The following VPS13B variants were observed in gnomAD, a reference collection of about 807,000 sequenced individuals.
VPS13B encodes vacuolar protein sorting 13 homolog B, also known as intermembrane lipid transfer protein VPS13B.
Under a neutral mutation model 426.4 loss-of-function variants are expected in VPS13B, and 285 were observed. The observed-to-expected ratio is 0.67, with a 90% confidence interval of 0.61 to 0.74. The LOEUF (loss-of-function observed/expected upper bound fraction) is 0.74. VPS13B is among the 30% of genes least tolerant of loss of function. The pLI is 0.00. For missense variants in VPS13B, 4,537 were observed against 4,782.6 expected (o/e 0.95, Z 1.51); for synonymous variants, 1,676 against 1,676.4 (o/e 1.00, Z 0.01).
intron 39 of VPS13B, among the ~76,000 whole-genome samples, chr8:99,736,291 G>A (rs1345428940): frequency 6.6e-6 from 1 of 152,132 alleles, no homozygotes; most frequent in Non-Finnish European, 1.5e-5. Context: ...TAACAGTTTA[G>A]GCTGGGCGCG....
chr8:99,338,269 G>A (rs867936758), intron 19 of VPS13B, among the ~76,000 whole-genome samples: 1 of 151,996 alleles, frequency 6.6e-6, no homozygotes, highest in Non-Finnish European at 1.5e-5. Flanking sequence ...CATTGAATTT[G>A]TAGATAATCT....
At chr8:99,529,443 C>T (rs1403090998) in intron 30 of VPS13B, among the ~76,000 whole-genome samples, 1 of 152,118 alleles carries the variant, frequency 6.6e-6, no homozygotes, top group Non-Finnish European at 1.5e-5. Context: ...TTCATGTAAA[C>T]ACTGCTTTCT....
At chr8:99,081,161 G>A (rs1285119787) in intron 3 of VPS13B, among the ~76,000 whole-genome samples, 1 of 152,196 alleles carries the variant, frequency 6.6e-6, no homozygotes, top group Non-Finnish European at 1.5e-5. Flanking sequence ...TAAGCGTTGA[G>A]CTTGGTAACA....
At chr8:99,166,021 C>T (rs1331129828) in intron 15 of VPS13B, among the ~76,000 whole-genome samples, 2 of 151,944 alleles carry the variant, frequency 1.3e-5, no homozygotes, top group Non-Finnish European at 1.5e-5. Flanking sequence ...GCACTGTTGC[C>T]CTGGCTGGAG....
chr8:99,033,601 T>A (rs1236423870), intron 2 of VPS13B, among the ~76,000 whole-genome samples: 1 of 152,138 alleles, frequency 6.6e-6, no homozygotes, highest in African/African-American at 2.4e-5. Context: ...TTTAATTATT[T>A]GAATATGAGG....
intron 7 of VPS13B, among the ~76,000 whole-genome samples, 193 bp from the exon 8 acceptor site, chr8:99,120,984 A>T (rs1201251642): frequency 1.3e-5 from 2 of 152,224 alleles, no homozygotes; most frequent in African/African-American, 4.8e-5. Context: ...AAGGAGAAAG[A>T]TACGGTACAA....
At chr8:99,709,287 T>A (rs1485550101) in intron 36 of VPS13B, among the ~76,000 whole-genome samples, 1 of 152,154 alleles carries the variant, frequency 6.6e-6, no homozygotes, top group African/African-American at 2.4e-5. Flanking sequence ...AGAAGCTTGA[T>A]TTAGATTGCA....
At chr8:99,159,323 T>C (rs573692566) in intron 15 of VPS13B, among the ~76,000 whole-genome samples, 1 of 152,302 alleles carries the variant, frequency 6.6e-6, no homozygotes, top group South Asian at 2.1e-4. Flanking sequence ...TGTTAAATGA[T>C]TACAGAGAAT....
At chr8:99,560,373 A>C (rs1824843196) in intron 31 of VPS13B, among the ~76,000 whole-genome samples, 1 of 152,092 alleles carries the variant, frequency 6.6e-6, no homozygotes, top group African/African-American at 2.4e-5. Context: ...GCCTTCCCTG[A>C]GCCTGTCAGA....
At chr8:99,588,747 T>A (rs1436716727) in intron 33 of VPS13B, among the ~76,000 whole-genome samples, 2 of 151,774 alleles carry the variant, frequency 1.3e-5, no homozygotes, top group East Asian at 3.9e-4. Flanking sequence ...TATACAGTCA[T>A]GTCATCTGCA....
At chr8:99,560,182 G>A (rs983419359) in intron 31 of VPS13B, among the ~76,000 whole-genome samples, 11 of 152,232 alleles carry the variant, frequency 7.2e-5, no homozygotes, top group Middle Eastern at 3.4e-3. Flanking sequence ...GTGAATGGGA[G>A]TTCACTCATG....
intron 19 of VPS13B, among the ~76,000 whole-genome samples, chr8:99,351,435 A>AGAGT (rs1347043475): frequency 1.4e-5 from 2 of 145,654 alleles, no homozygotes; most frequent in Non-Finnish European, 3.0e-5. Context: ...AGAGAGAGAG[A>AGAGT]GTGTGTGTGT....
At position 99,110,951 on chromosome 8, in the gene VPS13B, G is replaced by T. The variant is rs570630157; in HGVS notation, c.581-147G>T. The T allele has an allele frequency of 2.0e-4, 103 of 506,984 alleles. 1 individual carries two copies. In the Middle Eastern group the frequency reaches 3.9e-3, roughly 19 times the overall value. 31.4% of individuals were successfully genotyped at this position (506,984 alleles called of 1,614,324 possible). On this transcript the variant is annotated intron_variant, in intron 5 of 61. Coordinates refer to ENST00000357162, the MANE Select transcript of VPS13B (RefSeq NM_152564.5). ...TGTATAATAAAATGAAAAGTTCATT[G>T]CATATGGTCTGGCATTATGTATTAA...
At chr8:99,790,539 T>C (rs767863663) in intron 43 of VPS13B, among the ~76,000 whole-genome samples, 1 of 152,132 alleles carries the variant, frequency 6.6e-6, no homozygotes, top group Non-Finnish European at 1.5e-5. Flanking sequence ...ATCATTGCAG[T>C]AGTTCAGGAC....
intron 21 of VPS13B, among the ~76,000 whole-genome samples, chr8:99,420,568 T>C (rs1442813099): frequency 6.6e-6 from 1 of 152,208 alleles, no homozygotes; most frequent in Non-Finnish European, 1.5e-5. Flanking sequence ...TTAATAAATA[T>C]GTATATAAAG....
chr8:99,848,666 A>G (rs1182490078), intron 54 of VPS13B, 110 bp from the exon 55 acceptor site: 1 of 989,462 alleles, frequency 1.0e-6, no homozygotes, highest in African/African-American at 1.6e-5. Flanking sequence ...AAGAAATATA[A>G]CCAGGAATTG....
At chr8:99,702,498 T>C (rs935617018) in intron 36 of VPS13B, among the ~76,000 whole-genome samples, 1 of 152,180 alleles carries the variant, frequency 6.6e-6, no homozygotes, top group Non-Finnish European at 1.5e-5. Flanking sequence ...GTACAGATGT[T>C]ATTGTATAGA....
intron 2 of VPS13B, among the ~76,000 whole-genome samples, chr8:99,032,828 C>A (rs1842581678): frequency 6.6e-6 from 1 of 152,076 alleles, no homozygotes; most frequent in Non-Finnish European, 1.5e-5. Context: ...GTGTGAGCCA[C>A]TGCGCCTGGC....
intron 33 of VPS13B, among the ~76,000 whole-genome samples, chr8:99,625,041 T>G (rs1828549725): frequency 6.6e-6 from 1 of 152,004 alleles, no homozygotes; most frequent in Non-Finnish European, 1.5e-5. Flanking sequence ...GTCAGGCTGG[T>G]CTCGAACTCC....
Sources: gnomAD v4.1 joint callset for allele counts (sites outside exome capture counted in the v4.1 genomes callset) on GRCh38, gnomAD v4.1.1 for gene constraint, MANE v1.5 for transcripts, NCBI Gene and HGNC (gene_info 2026-07-23, HGNC 2026-07-21) for gene names.